The following ACOT12 variants were observed in gnomAD, a reference collection of about 807,000 sequenced individuals.
ACOT12 encodes the protein acetyl-coenzyme A thioesterase.
Under a neutral mutation model 67.7 loss-of-function variants are expected in ACOT12, and 51 were observed. The observed-to-expected ratio is 0.75, with a 90% CI of 0.60 to 0.95. ACOT12 has a LOEUF of 0.95. ACOT12 is among the 40% of genes least tolerant of loss of function. ACOT12 has a pLI of 0.00. For missense variants in ACOT12, 734 were observed against 708.1 expected, an observed-to-expected ratio of 1.04 and a Z score of -0.41; for synonymous variants, 251 against 244.6, an observed-to-expected ratio of 1.03 and a Z score of -0.24.
intron 2 of ACOT12, among the ~76,000 whole-genome samples, chr5:81,384,273 C>T (rs113060468): frequency 0.074 from 11,181 of 151,690 alleles, 539 homozygotes; most frequent in Middle Eastern, 0.13. Context: ...TACAAGCGCC[C>T]GTCATCACAA....
At chr5:81,370,953 G>A (rs1303870727) in intron 3 of ACOT12, among the ~76,000 whole-genome samples, 2 of 152,046 alleles carry the variant, frequency 1.3e-5, no homozygotes, top group Non-Finnish European at 2.9e-5. Context: ...TATTCACAAT[G>A]GTAGAGAAAA....
intron 3 of ACOT12, among the ~76,000 whole-genome samples, chr5:81,371,244 G>GT (rs1037241346): frequency 3.3e-5 from 5 of 151,762 alleles, no homozygotes; most frequent in African/African-American, 4.8e-5. Context: ...AAATGTGTTG[G>GT]TTTTTTTTGT....
At chr5:81,323,998 G>A in the ACOT12 span, among the ~76,000 whole-genome samples, 22 of 151,736 alleles carry the variant, frequency 1.4e-4, no homozygotes, top group African/African-American at 4.8e-4. Flanking sequence ...CTGGAGTGCA[G>A]TGGTGCGATC....
At chr5:81,362,142 C>T (rs939001106) in intron 4 of ACOT12, among the ~76,000 whole-genome samples, 2 of 151,360 alleles carry the variant, frequency 1.3e-5, no homozygotes, top group Non-Finnish European at 2.9e-5. Context: ...AGAGATTGGA[C>T]TGAAGTGTGA....
chr5:81,376,501 G>A (rs537611244), intron 2 of ACOT12, among the ~76,000 whole-genome samples: 2 of 151,784 alleles, frequency 1.3e-5, no homozygotes, highest in East Asian at 2.0e-4. Flanking sequence ...GAGCAGAACT[G>A]AAGGAGATAG....
chr5:81,342,477 T>C (rs1030952431), intron 11 of ACOT12, among the ~76,000 whole-genome samples, 195 bp downstream of exon 11: 2 of 152,164 alleles, frequency 1.3e-5, no homozygotes, highest in Non-Finnish European at 2.9e-5. Flanking sequence ...AGGAGCATGT[T>C]GGGTATATTT....
chr5:81,385,846 A>T lies in ACOT12; in HGVS notation c.128-20T>A, dbSNP rs1218513208. 6.2e-7 allele frequency: 1 copy of T among 1,610,632 alleles called. No individual in the cohort carries two copies. The highest frequency in any genetic ancestry group is 2.2e-5 in the East Asian group (1 of 44,868). ...TCTCAGCTTCAAAAAATACATAAAA[A>T]TGTGCTGCTTTAGTGGTGATATGAG... On this transcript the variant is annotated intron_variant, in intron 1 of 14. Transcript: ENST00000307624.
the ACOT12 span, among the ~76,000 whole-genome samples, chr5:81,321,546 AAAACAAAC>A: frequency 1.3e-5 from 2 of 152,252 alleles, no homozygotes; most frequent in Non-Finnish European, 2.9e-5. Flanking sequence ...ATTGTTTAAA[AAAACAAAC>A]AAACAAACAA....
chr5:81,324,899 G>A, the ACOT12 span, among the ~76,000 whole-genome samples: 3 of 152,072 alleles, frequency 2.0e-5, no homozygotes, highest in African/African-American at 7.2e-5. Context: ...AGTATAGTTA[G>A]GTAAATAAAA....
At chr5:81,327,482 G>A (rs1380679460), downstream of ACOT12, among the ~76,000 whole-genome samples, 1 of 152,046 alleles carries the variant, frequency 6.6e-6, no homozygotes, top group African/African-American at 2.4e-5. Context: ...ACTCTGTTGC[G>A]CAGGCTGGAG....
chr5:81,371,829 A>G lies in ACOT12; in HGVS notation c.198-19T>C, dbSNP rs756137892. ...TCCAACTCTAGGGAAAAACAAACAAAAAAACCTCAGTAGTTTTAGCACATT... is the reference window on the plus strand; with the variant it reads ...TCCAACTCTAGGGAAAAACAAACAAGAAAACCTCAGTAGTTTTAGCACATT... On this transcript the variant is annotated intron_variant, in intron 2 of 14. Transcript: ENST00000307624. The G allele has an allele frequency of 1.9e-6, 3 of 1,609,456 alleles. No individual in the cohort carries two copies. In the African/African-American group the frequency reaches 4.0e-5, roughly 22 times the overall value.
chr5:81,374,594 A>G (rs1760352587), intron 2 of ACOT12, among the ~76,000 whole-genome samples: 1 of 152,324 alleles, frequency 6.6e-6, no homozygotes, highest in South Asian at 2.1e-4. Flanking sequence ...AGAACCTTGA[A>G]AAAAGGTTAG....
the ACOT12 span, chr5:81,309,043 G>T: frequency 6.3e-7 from 1 of 1,595,672 alleles, no homozygotes; most frequent in Non-Finnish European, 8.6e-7. Context: ...CTGATGGTAA[G>T]TACTGTTACC....
At chr5:81,386,617 C>T (rs1449943073) in intron 1 of ACOT12, among the ~76,000 whole-genome samples, 2 of 152,036 alleles carry the variant, frequency 1.3e-5, no homozygotes, top group African/African-American at 2.4e-5. Flanking sequence ...AATTGAAAGC[C>T]AAACAGATTA....
At chr5:81,352,643 A>G (rs1759588175) in intron 5 of ACOT12, among the ~76,000 whole-genome samples, 1 of 152,188 alleles carries the variant, frequency 6.6e-6, no homozygotes, top group African/African-American at 2.4e-5. Flanking sequence ...TAATGGGTAC[A>G]AAAATATAGT....
intron 5 of ACOT12, among the ~76,000 whole-genome samples, chr5:81,349,294 C>T (rs1212071453): frequency 6.6e-6 from 1 of 152,136 alleles, no homozygotes; most frequent in Non-Finnish European, 1.5e-5. Flanking sequence ...CAGCTTAAAA[C>T]AAGTCAGTAG....
At chr5:81,336,323 T>C (rs993996317) in intron 11 of ACOT12, among the ~76,000 whole-genome samples, 1 of 152,168 alleles carries the variant, frequency 6.6e-6, no homozygotes, top group African/African-American at 2.4e-5. Context: ...CTTAGGACAC[T>C]TTCCCAGGAT....
chr5:81,314,746 A>T, the ACOT12 span, among the ~76,000 whole-genome samples: 1 of 152,358 alleles, frequency 6.6e-6, no homozygotes, highest in South Asian at 2.1e-4. Flanking sequence ...AATGGACAGG[A>T]GACTTAGGGA....
chr5:81,354,155 T>C (rs1261819652), intron 5 of ACOT12, among the ~76,000 whole-genome samples: 1 of 152,256 alleles, frequency 6.6e-6, no homozygotes, highest in African/African-American at 2.4e-5. Flanking sequence ...GGATGTAGAA[T>C]AAGTTAGGGC....
Sources: gnomAD v4.1 joint callset for allele counts (sites outside exome capture counted in the v4.1 genomes callset) on GRCh38, gnomAD v4.1.1 for gene constraint, MANE v1.5 for transcripts, NCBI Gene and HGNC (gene_info 2026-07-23, HGNC 2026-07-21) for gene names.